Variants in SYNE1 observed in about 807,000 individuals in gnomAD.
The protein encoded by SYNE1 is spectrin repeat containing nuclear envelope protein 1, also known as nesprin-1.
SYNE1 carries 616 observed loss-of-function variants against 1,111.0 expected under a neutral mutation model. That is an observed-to-expected ratio of 0.55 (90% CI 0.52 to 0.59). SYNE1 has a LOEUF of 0.59. Ranked by LOEUF, SYNE1 falls within the 20% of genes least tolerant of loss-of-function variation. The probability of loss-of-function intolerance (pLI) is 0.00; values close to 1 mark genes in which losing one functional copy is unlikely to be tolerated. For synonymous variants in SYNE1, 3,855 were observed against 3,825.8 expected (o/e 1.01, Z -0.28); for missense variants, 10,006 against 10,417.0 (o/e 0.96, Z 1.72).
intron 3 of SYNE1, among the ~76,000 whole-genome samples, chr6:152,543,094 T>C (rs2099279697): frequency 6.6e-6 from 1 of 152,112 alleles, no homozygotes; most frequent in African/African-American, 2.4e-5. Context: ...TTATAACCTT[T>C]AATGAAATAA....
rs762834503 is a variant in SYNE1 at position 152,331,661 on chromosome 6, TG to T, written c.13023del (p.Asn4342ThrfsTer5). The T allele has an allele frequency of 6.2e-7, 1 of 1,614,196 alleles. No homozygotes were observed. The highest frequency in any genetic ancestry group is 1.1e-5 in the South Asian group (1 of 91,082). ...LIKRKIQVSV[T>X]NLEELNVVQS... ...TGCACCACATTTAACTCCTCCAAGT[TG>T]GTGACTGACACTTGGATTTTCCTTT... is the stretch of plus-strand genomic sequence containing the variant. On this transcript the variant is annotated frameshift_variant, in exon 78 of 146. Coordinates refer to ENST00000367255, the MANE Select transcript of SYNE1 (RefSeq NM_182961.4). LOFTEE classifies it high-confidence loss of function.
intron 24 of SYNE1, among the ~76,000 whole-genome samples, chr6:152,454,656 T>A (rs2098681527): frequency 6.6e-6 from 1 of 152,214 alleles, no homozygotes; most frequent in African/African-American, 2.4e-5. Flanking sequence ...GGAGTAGACA[T>A]GCAGAATTAT....
intron 126 of SYNE1, among the ~76,000 whole-genome samples, chr6:152,204,917 T>G (rs1393829264): frequency 1.3e-5 from 2 of 152,172 alleles, no homozygotes; most frequent in African/African-American, 4.8e-5. Context: ...ATGATTAACA[T>G]GTTCTCTACA....
chr6:152,596,792 A>T (rs993548790), intron 3 of SYNE1, among the ~76,000 whole-genome samples: 1 of 152,218 alleles, frequency 6.6e-6, no homozygotes, highest in African/African-American at 2.4e-5. Flanking sequence ...TCTTCTTATC[A>T]TCTTCCCTTC....
intron 3 of SYNE1, among the ~76,000 whole-genome samples, chr6:152,540,269 A>G (rs1284860293): frequency 1.3e-5 from 2 of 152,176 alleles, no homozygotes; most frequent in Non-Finnish European, 1.5e-5. Context: ...ACCTTCATCC[A>G]CTTACTTAAA....
rs141716975 is a variant in SYNE1, at chr6:152,148,069, G to C, written c.24952C>G (p.Leu8318Val). 1 of 1,613,966 alleles carries C rather than the reference G, an allele frequency of 6.2e-7. No homozygotes were observed. The highest frequency in any genetic ancestry group is 8.5e-7 in the Non-Finnish European group (1 of 1,180,016). Residue 8318 changes from leucine to valine, a missense_variant, in exon 137 of 146, where the codon CTC becomes GTC. By Grantham distance (32) the Leu-to-Val change is conservative. Coordinates refer to ENST00000367255, the MANE Select transcript of SYNE1 (RefSeq NM_182961.4). This position sits in a 1 kb window ranked among gnomAD's most constrained non-coding sequence, Gnocchi z 4.1. Reference protein sequence around the residue: ...EEGQDDKDFYLRGAVGLSGDH... With the variant: ...EEGQDDKDFYVRGAVGLSGDH... ...CCTGATAAGCCAACAGCTCCCCGGAGGTAGAAATCTTTGTCATCCTGACCT... is the reference window on the plus strand; with the variant it reads ...CCTGATAAGCCAACAGCTCCCCGGACGTAGAAATCTTTGTCATCCTGACCT...
In SYNE1 at chr6:152,310,391, C is replaced by T; in HGVS notation, c.17019+5G>A. 1 of 1,614,102 alleles carries T rather than the reference C, an allele frequency of 6.2e-7. No individual in the cohort carries two copies. Among genetic ancestry groups the T allele is most frequent in the Non-Finnish European group, 8.5e-7 (1 of 1,180,030 alleles). Reference sequence around the variant, plus strand: ...CCCTATTTACTCCAAGTTAGTTTGGCTTACCTGCCGATGAGAGAGCTGCTC... The same window carrying T: ...CCCTATTTACTCCAAGTTAGTTTGGTTTACCTGCCGATGAGAGAGCTGCTC... On this transcript the variant is annotated splice_donor_5th_base_variant and intron_variant, in intron 89 of 145. Coordinates refer to ENST00000367255, the MANE Select transcript of SYNE1 (RefSeq NM_182961.4).
chr6:152,211,380 C>T, intron 124 of SYNE1, 114 bp downstream of exon 124: 1 of 844,514 alleles, frequency 1.2e-6, no homozygotes, highest in Non-Finnish European at 2.0e-6. Context: ...TGAGGCCCCA[C>T]TACAGTTCAA....
intron 16 of SYNE1, 138 bp from the exon 17 acceptor site, chr6:152,466,216 T>C (rs1278015814): frequency 4.7e-6 from 3 of 634,784 alleles, no homozygotes; most frequent in East Asian, 2.8e-5. Flanking sequence ...ATAAAATTAA[T>C]TCCACTGCTA....
At chr6:152,481,502 A>C in intron 14 of SYNE1, 1 of 434,382 alleles carries the variant, frequency 2.3e-6, no homozygotes, top group South Asian at 1.7e-5. Flanking sequence ...CCCCACCATT[A>C]TGTAATATAC....
intron 139 of SYNE1, 134 bp from the exon 140 acceptor site, chr6:152,140,295 G>A (rs547083143): frequency 2.4e-6 from 2 of 829,972 alleles, no homozygotes; most frequent in East Asian, 5.2e-5. Context: ...CATTTTCGTT[G>A]TTGTCATCTG....
intron 3 of SYNE1, among the ~76,000 whole-genome samples, chr6:152,551,469 C>T (rs1020005170): frequency 1.3e-5 from 2 of 152,142 alleles, no homozygotes; most frequent in African/African-American, 4.8e-5. Flanking sequence ...CTCACATGTA[C>T]CAGCCGTTCT....
At position 152,518,091 on chromosome 6, in the gene SYNE1, C is replaced by A. The variant is rs181554156; in HGVS notation, c.309+2368G>T. On this transcript the variant is annotated intron_variant, in intron 6 of 145. Coordinates refer to ENST00000367255, the MANE Select transcript of SYNE1 (RefSeq NM_182961.4). ...GGGGATGGGGAAGAATAGAACTAAC[C>A]TAAGAACATTTCAAAAATAGTTTTT... Among the ~76,000 whole-genome samples, 471 of 151,646 alleles carry A rather than the reference C, an allele frequency of 3.1e-3. 4 individuals carry two copies. Among genetic ancestry groups the A allele is most frequent in the African/African-American group, 9.9e-3 (411 of 41,336 alleles).
At chr6:152,604,180 A>ATGTG (rs1462187722) in intron 3 of SYNE1, among the ~76,000 whole-genome samples, 1 of 128,164 alleles carries the variant, frequency 7.8e-6, no homozygotes, top group African/African-American at 3.1e-5. Flanking sequence ...GTGTGTGTGT[A>ATGTG]TGTGTGTGTG....
intron 74 of SYNE1, 87 bp downstream of exon 74, chr6:152,343,994 G>A: frequency 6.4e-7 from 1 of 1,571,832 alleles, no homozygotes; most frequent in South Asian, 1.1e-5. Flanking sequence ...AGTCAATACA[G>A]TTTGGCACAT....
chr6:152,457,106 T>C (rs2098701378), intron 22 of SYNE1, among the ~76,000 whole-genome samples: 1 of 152,120 alleles, frequency 6.6e-6, no homozygotes, highest in African/African-American at 2.4e-5. Flanking sequence ...ATAATCTCTA[T>C]CCAATACAAT....
rs145580923 is a variant in SYNE1, at chr6:152,331,940, G to A, written c.12795-50C>T. 1.2e-3 allele frequency: 1,887 copies of A among 1,600,968 alleles called. 3 individuals are homozygous for A. Among genetic ancestry groups the A allele is most frequent in the Non-Finnish European group, 1.5e-3 (1,751 of 1,178,810 alleles). ...GAGCAAATTAGCTGTAGTCAATATC[G>A]ATGTTTGTTCATACTATGCTAAATT... On this transcript the variant is annotated intron_variant, in intron 77 of 145. Transcript: ENST00000367255.
At chr6:152,248,799 T>G (rs2088220805) in intron 105 of SYNE1, among the ~76,000 whole-genome samples, 1 of 152,202 alleles carries the variant, frequency 6.6e-6, no homozygotes, top group African/African-American at 2.4e-5. Flanking sequence ...CTACCCCTGC[T>G]GGAGGCCAGA....
At chr6:152,158,784 G>A in intron 131 of SYNE1, among the ~76,000 whole-genome samples, 1 of 152,190 alleles carries the variant, frequency 6.6e-6, no homozygotes, top group East Asian at 1.9e-4. Context: ...GAAGTGTTAG[G>A]CCCCTGGACA....
Sources: gnomAD v4.1 joint callset for allele counts (sites outside exome capture counted in the v4.1 genomes callset) on GRCh38, gnomAD v4.1.1 for gene constraint, Gnocchi (gnomAD v3.1) non-coding constraint, MANE v1.5 for transcripts, NCBI Gene and HGNC (gene_info 2026-07-23, HGNC 2026-07-21) for gene names.